Variants in CTTNBP2NL observed in about 807,000 individuals in gnomAD.
CTTNBP2NL encodes the protein CTTNBP2 N-terminal like, also known as CTTNBP2 N-terminal-like protein.
Under a neutral mutation model 32.5 loss-of-function variants are expected in CTTNBP2NL, and 16 were observed. That is an observed-to-expected ratio of 0.49 (90% confidence interval 0.33 to 0.75). The LOEUF (loss-of-function observed/expected upper bound fraction) is 0.75. CTTNBP2NL is among the 30% of genes least tolerant of loss of function. The probability of loss-of-function intolerance (pLI) is 0.02; values close to 1 mark genes in which losing one functional copy is unlikely to be tolerated. For synonymous variants in CTTNBP2NL, 298 were observed against 289.4 expected, an observed-to-expected ratio of 1.03 and a Z score of -0.30; for missense variants, 645 against 756.0, an observed-to-expected ratio of 0.85 and a Z score of 1.72.
intron 4 of CTTNBP2NL, among the ~76,000 whole-genome samples, chr1:112,449,717 A>G (rs1650162797): frequency 7.1e-6 from 1 of 140,952 alleles, no homozygotes; most frequent in Non-Finnish European, 1.5e-5. Flanking sequence ...GTTCTACTCT[A>G]TTAGTGAGGG....
intron 3 of CTTNBP2NL, among the ~76,000 whole-genome samples, chr1:112,435,854 A>G (rs1426199544): frequency 6.6e-6 from 1 of 152,212 alleles, no homozygotes; most frequent in East Asian, 1.9e-4. Flanking sequence ...CTGACTGGTC[A>G]GTAAGGGGAA....
chr1:112,427,191 GA>G (rs1468299383), intron 3 of CTTNBP2NL, among the ~76,000 whole-genome samples: 1 of 152,070 alleles, frequency 6.6e-6, no homozygotes, highest in Admixed American at 6.6e-5. Context: ...CATTTAAATT[GA>G]TTTTTAGTGG....
At chr1:112,454,287 A>G (rs1650305604) in intron 4 of CTTNBP2NL, among the ~76,000 whole-genome samples, 162 bp from the exon 5 acceptor site, 1 of 152,242 alleles carries the variant, frequency 6.6e-6, no homozygotes, top group Non-Finnish European at 1.5e-5. Flanking sequence ...TTTCACTGTA[A>G]GGCAGTGTGC....
chr1:112,442,844 C>T (rs1649935812), intron 3 of CTTNBP2NL, among the ~76,000 whole-genome samples: 1 of 152,128 alleles, frequency 6.6e-6, no homozygotes, highest in South Asian at 2.1e-4. Context: ...GCGCCCACCA[C>T]CACACCCAGC....
intron 1 of CTTNBP2NL, among the ~76,000 whole-genome samples, chr1:112,396,759 C>G (rs1029930508): frequency 6.6e-6 from 1 of 152,186 alleles, no homozygotes; most frequent in Non-Finnish European, 1.5e-5. Flanking sequence ...AATCAAAGAC[C>G]GACCTAGACA....
Position 112,448,935 on chromosome 1 carries a change from T to C in CTTNBP2NL, c.100-7T>C. On this transcript the variant is annotated splice_region_variant and splice_polypyrimidine_tract_variant and intron_variant, in intron 3 of 5. Coordinates refer to ENST00000271277, the MANE Select transcript of CTTNBP2NL (RefSeq NM_018704.3). ...GCAAGATGCTTATTTTTTTTCCTCTTTCCCAGGCCCAACACAGAGATACTT... is the reference window on the plus strand; with the variant it reads ...GCAAGATGCTTATTTTTTTTCCTCTCTCCCAGGCCCAACACAGAGATACTT... The C allele has an allele frequency of 6.4e-7, 1 of 1,565,834 alleles. No individual in the cohort carries two copies. The highest frequency in any genetic ancestry group is 8.8e-7 in the Non-Finnish European group (1 of 1,137,658).
chr1:112,432,732 T>C (rs1476488308), intron 3 of CTTNBP2NL, among the ~76,000 whole-genome samples: 1 of 151,376 alleles, frequency 6.6e-6, no homozygotes, highest in Non-Finnish European at 1.5e-5. Flanking sequence ...AAAGCCTGTT[T>C]GAAACTTTCC....
intron 3 of CTTNBP2NL, among the ~76,000 whole-genome samples, chr1:112,421,249 G>T (rs1007488361): frequency 2.6e-5 from 4 of 151,258 alleles, no homozygotes; most frequent in Non-Finnish European, 5.9e-5. Context: ...CGGACTCCTA[G>T]CCTGAAGTGC....
At chr1:112,453,534 T>C (rs748348319) in intron 4 of CTTNBP2NL, among the ~76,000 whole-genome samples, 122 of 152,112 alleles carry the variant, frequency 8.0e-4, no homozygotes, top group Non-Finnish European at 1.6e-3. Flanking sequence ...GGTGGATCAC[T>C]TGAGCCCAGG....
chr1:112,404,211 C>T (rs184715511), intron 1 of CTTNBP2NL, among the ~76,000 whole-genome samples: 1 of 152,318 alleles, frequency 6.6e-6, no homozygotes, highest in East Asian at 1.9e-4. Flanking sequence ...ATTACTGTCC[C>T]TGAAGAACCA....
intron 3 of CTTNBP2NL, among the ~76,000 whole-genome samples, chr1:112,445,524 A>T (rs2492532): frequency 0.55 from 84,019 of 152,006 alleles, 24,330 homozygotes; most frequent in South Asian, 0.7. Flanking sequence ...TAGACTTTGA[A>T]TTCACCTTTC....
rs778624594 is a variant in CTTNBP2NL, at chr1:112,455,921, T to C, written c.439-10T>C. 1 of 1,573,216 alleles carries C rather than the reference T, an allele frequency of 6.4e-7. No homozygotes were observed. The highest frequency in any genetic ancestry group is 8.6e-7 in the Non-Finnish European group (1 of 1,162,986). ...TTGTCAGTATGTCTCTCTTTTCTTT[T>C]TTTTTCTAGTTGGAATTTGAAAAAT... On this transcript the variant is annotated splice_polypyrimidine_tract_variant and intron_variant, in intron 5 of 5. Coordinates refer to ENST00000271277, the MANE Select transcript of CTTNBP2NL (RefSeq NM_018704.3).
intron 1 of CTTNBP2NL, among the ~76,000 whole-genome samples, chr1:112,410,169 G>T (rs539773238): frequency 1.3e-5 from 2 of 152,288 alleles, no homozygotes; most frequent in Non-Finnish European, 2.9e-5. Flanking sequence ...AAGGCGGGGG[G>T]ATCACCTGAG....
chr1:112,411,220 G>A (rs2483329), intron 1 of CTTNBP2NL, among the ~76,000 whole-genome samples: 65 of 152,284 alleles, frequency 4.3e-4, no homozygotes, highest in Middle Eastern at 3.4e-3. Context: ...ACTTACTGCA[G>A]CATTATTTCT....
rs1650394751 is a variant in CTTNBP2NL, at chr1:112,457,176, C to T, written c.1684C>T (p.Leu562=). 1.9e-6 allele frequency: 3 copies of T among 1,614,196 alleles called. No individual in the cohort carries two copies. The highest frequency in any genetic ancestry group is 2.7e-5 in the African/African-American group (2 of 75,048). ...GAAAGTGTCCAGTCCCCTGAGCCCC[C>T]TGTCTCCAGGAATCAAGTCCCCAAC... ...PGKVSSPLSP[L]SPGIKSPTIP... Residue 562 remains leucine, a synonymous_variant, in exon 6 of 6, where the codon CTG becomes TTG. Transcript: ENST00000271277.
At position 112,457,362 on chromosome 1, in the gene CTTNBP2NL, G is replaced by T. The variant is rs1214957659; in HGVS notation, c.1870G>T (p.Val624Phe). 7 of 1,613,986 alleles carry T rather than the reference G, an allele frequency of 4.3e-6. No individual in the cohort carries two copies. The highest frequency in any genetic ancestry group is 5.9e-6 in the Non-Finnish European group (7 of 1,180,030). The change falls in exon 6 of 6, where the codon GTT (valine) becomes TTT (phenylalanine). Residue 624 changes from valine to phenylalanine, a missense_variant. Transcript: ENST00000271277. ...TGCCAGCAGCTGCTCTTCCAATACT[G>T]TTGTAGCAAATGGTAAGGATGTTGA... ...DLASSCSSNT[V>F]VANGKDVELL...
At chr1:112,455,546 G>C (rs1015935787) in intron 5 of CTTNBP2NL, among the ~76,000 whole-genome samples, 1 of 152,178 alleles carries the variant, frequency 6.6e-6, no homozygotes, top group African/African-American at 2.4e-5. Context: ...GTGTGTGTTT[G>C]TTTCTGAGAC....
At chr1:112,423,720 A>C (rs1356203112) in intron 3 of CTTNBP2NL, among the ~76,000 whole-genome samples, 1 of 151,982 alleles carries the variant, frequency 6.6e-6, no homozygotes, top group Admixed American at 6.6e-5. Flanking sequence ...CCAATTTATC[A>C]ATTTTTTTTG....
At chr1:112,404,006 A>G (rs570036825) in intron 1 of CTTNBP2NL, among the ~76,000 whole-genome samples, 2 of 152,360 alleles carry the variant, frequency 1.3e-5, no homozygotes, top group South Asian at 4.1e-4. Flanking sequence ...TGAGAAGCTG[A>G]CCAGTCACTA....
Sources: allele counts gnomAD v4.1 joint callset (sites outside exome capture counted in the v4.1 genomes callset), GRCh38; gene constraint gnomAD v4.1.1; transcripts MANE v1.5; gene names NCBI Gene and HGNC (gene_info 2026-07-23, HGNC 2026-07-21).